Variants in GORASP2 observed in about 807,000 individuals in gnomAD.
The protein encoded by GORASP2 is golgi reassembly stacking protein 2.
A neutral mutation model predicts 45.7 loss-of-function variants in GORASP2; 22 were observed. The observed-to-expected ratio is 0.48, with a 90% CI of 0.34 to 0.69. The LOEUF (loss-of-function observed/expected upper bound fraction) is 0.69, where lower values mean the gene tolerates loss of function less well. Ranked by LOEUF, GORASP2 falls within the 30% of genes least tolerant of loss-of-function variation. The pLI, the probability that GORASP2 is intolerant of heterozygous loss-of-function variation, is 0.01. For missense variants in GORASP2, 491 were observed against 562.7 expected (o/e 0.87, Z 1.29); for synonymous variants, 221 against 215.6 (o/e 1.02, Z -0.22).
intron 1 of GORASP2, chr2:170,936,690 G>A (rs1471465539): frequency 7.9e-7 from 1 of 1,264,646 alleles, no homozygotes; most frequent in Admixed American, 2.3e-5. Context: ...ATAATGGTGT[G>A]CACCTGTAAT....
At chr2:170,942,130 A>G (rs1300019962) in intron 1 of GORASP2, among the ~76,000 whole-genome samples, 2 of 152,184 alleles carry the variant, frequency 1.3e-5, no homozygotes, top group African/African-American at 4.8e-5. Context: ...TTTATAGATC[A>G]CTTCAGTATC....
At chr2:170,954,928 A>G (rs1230228509) in intron 6 of GORASP2, 146 bp downstream of exon 6, 2 of 623,338 alleles carry the variant, frequency 3.2e-6, no homozygotes, top group Non-Finnish European at 5.5e-6. Flanking sequence ...AGGTTCCTGT[A>G]AAATACCTAG....
At chr2:170,960,321 T>C (rs1704528147) in intron 7 of GORASP2, among the ~76,000 whole-genome samples, 1 of 152,190 alleles carries the variant, frequency 6.6e-6, no homozygotes, top group Non-Finnish European at 1.5e-5. Flanking sequence ...TTCAACTCCA[T>C]TGAGAATCTG....
intron 1 of GORASP2, among the ~76,000 whole-genome samples, chr2:170,932,701 C>G (rs1240283889): frequency 6.6e-6 from 1 of 152,226 alleles, no homozygotes; most frequent in Non-Finnish European, 1.5e-5. Context: ...ATCCCACCAT[C>G]TAAAGGCAAA....
At chr2:170,941,035 A>G (rs1374977807) in intron 1 of GORASP2, among the ~76,000 whole-genome samples, 5 of 152,138 alleles carry the variant, frequency 3.3e-5, no homozygotes, top group Non-Finnish European at 7.4e-5. Flanking sequence ...TTTCATCATA[A>G]GCTTCTCATT....
intron 1 of GORASP2, among the ~76,000 whole-genome samples, chr2:170,940,641 CTTT>C (rs78088107): frequency 1.4e-5 from 2 of 138,498 alleles, no homozygotes; most frequent in Admixed American, 7.3e-5. Flanking sequence ...AAGTGAATTG[CTTT>C]TTTTTTTTTT....
In GORASP2 at chr2:170,929,300, C is replaced by A; in HGVS notation, c.-41C>A. 7.5e-7 allele frequency: 1 copy of A among 1,327,676 alleles called. No individual in the cohort carries two copies. The highest frequency in any genetic ancestry group is 9.6e-7 in the Non-Finnish European group (1 of 1,037,354). 82.2% of individuals were successfully genotyped at this position (1,327,676 alleles called of 1,614,324 possible). A position where few individuals can be genotyped will look rare whatever the true frequency, so the allele number is the denominator to read the frequency against. Reference sequence around the variant, plus strand: ...GCAGGCGGTGCGCTGGGGGCGGGAGCAGCGCGGAGCCCGGCTCGGCCACAC... The same window carrying A: ...GCAGGCGGTGCGCTGGGGGCGGGAGAAGCGCGGAGCCCGGCTCGGCCACAC... On this transcript the variant is annotated 5_prime_UTR_variant, in exon 1 of 10. Coordinates refer to ENST00000234160, the MANE Select transcript of GORASP2 (RefSeq NM_015530.5).
Position 170,941,619 on chromosome 2 carries a change from T to A in GORASP2, c.64-6731T>A, listed in dbSNP as rs150839319. ...CTTGTACTTTGTATAAGGGGAACCA[T>A]GTGCTAGGTACTCATTTGTATCTGG... On this transcript the variant is annotated intron_variant, in intron 1 of 9. Transcript: ENST00000234160. 3.3e-5 allele frequency among the ~76,000 whole-genome samples: 5 copies of A among 152,328 alleles called. No individual in the cohort carries two copies. The East Asian group carries it at 9.6e-4, about 29-fold the overall frequency.
At position 170,966,460 on chromosome 2, in the gene GORASP2, C is replaced by T. The variant is rs945987942; in HGVS notation, c.*330C>T. 8 of 403,446 alleles carry T rather than the reference C, an allele frequency of 2.0e-5. No homozygotes were observed. The highest frequency in any genetic ancestry group is 7.2e-4 in the Middle Eastern group (1 of 1,394). 25.0% of individuals were successfully genotyped at this position (403,446 alleles called of 1,614,324 possible). ...GGGGCGTCCACTAGGTTTCCTGTCC[C>T]CTGCTGCTCCTTCCGTAAGAAAATG... On this transcript the variant is annotated 3_prime_UTR_variant, in exon 10 of 10. Transcript: ENST00000234160.
At chr2:170,956,629 G>A in intron 7 of GORASP2, 70 bp downstream of exon 7, 1 of 1,382,536 alleles carries the variant, frequency 7.2e-7, no homozygotes, top group Non-Finnish European at 9.9e-7. Flanking sequence ...TTTAAAAATT[G>A]ACCAGACACA....
intron 3 of GORASP2, 103 bp from the exon 4 acceptor site, chr2:170,950,101 G>A (rs570832317): frequency 9.4e-6 from 6 of 636,348 alleles, no homozygotes; most frequent in East Asian, 6.0e-5. Flanking sequence ...CAAGACAGAA[G>A]TATACAGATT....
At position 170,961,914 on chromosome 2, in the gene GORASP2, T is replaced by C. The variant is rs540925189; in HGVS notation, c.910+165T>C. On this transcript the variant is annotated intron_variant, in intron 8 of 9. Transcript: ENST00000234160. ...TGATAAATGAGAGCTAGGGCAACTC[T>C]CCTTAGTAAACAAGGAACCAGAGAT... Among the ~76,000 whole-genome samples the C allele has an allele frequency of 2.6e-5, 4 of 152,378 alleles. No homozygotes were observed. In the East Asian group the frequency reaches 7.7e-4, roughly 29 times the overall value.
At chr2:170,951,566 ACTCC>A in intron 5 of GORASP2, 108 bp downstream of exon 5, 1 of 901,982 alleles carries the variant, frequency 1.1e-6, no homozygotes, top group Non-Finnish European at 1.6e-6. Context: ...TTATTTTAAG[ACTCC>A]TCTTAAAAAA....
chr2:170,930,461 C>T (rs1575465372), intron 1 of GORASP2, among the ~76,000 whole-genome samples: 1 of 152,176 alleles, frequency 6.6e-6, no homozygotes, highest in African/African-American at 2.4e-5. Context: ...AGAGAGTGCA[C>T]TTCCTGGTGC....
chr2:170,936,577 C>T lies in GORASP2; in HGVS notation c.63+7174C>T, dbSNP rs1004835608. ...CCTGTTGGCATTGCAAATAAATTTA[C>T]TGTAGCATGAAGATAATTATTCTGG... On this transcript the variant is annotated intron_variant, in intron 1 of 9. Coordinates refer to ENST00000234160, the MANE Select transcript of GORASP2 (RefSeq NM_015530.5). 30 of 1,187,694 alleles carry T rather than the reference C, an allele frequency of 2.5e-5. No individual in the cohort carries two copies. In the Admixed American group the frequency reaches 2.6e-4, roughly 10 times the overall value. The allele number at this position is 1,187,694 out of a possible 1,614,324, so 73.6% of individuals were successfully genotyped here. A position where few individuals can be genotyped will look rare whatever the true frequency, so the allele number is the denominator to read the frequency against.
At chr2:170,945,513 AAAG>A (rs1216860041) in intron 1 of GORASP2, among the ~76,000 whole-genome samples, 3,324 of 148,540 alleles carry the variant, frequency 0.022, 135 homozygotes, top group African/African-American at 0.071. Context: ...AAAAAAAAAA[AAAG>A]AAGAAGAAGA....
At chr2:170,962,131 T>C (rs1354354387) in intron 8 of GORASP2, among the ~76,000 whole-genome samples, 2 of 152,284 alleles carry the variant, frequency 1.3e-5, no homozygotes, top group African/African-American at 4.8e-5. Flanking sequence ...AGGCTTCTTA[T>C]TTGGTCTTCA....
rs765396836 is a variant in GORASP2 at position 170,954,760 on chromosome 2, C to T, written c.677C>T (p.Pro226Leu). 13 of 1,613,344 alleles carry T rather than the reference C, an allele frequency of 8.1e-6. 1 individual carries two copies. The South Asian group carries it at 1.3e-4, about 16-fold the overall frequency. ...CAAATGGCTGGTACACCTATTACAC[C>T]TCTTAAAGATGGGTTTACAGAGGTA... ...PGQMAGTPIT[P>L]LKDGFTEVQL... The change falls in exon 6 of 10, where the codon CCT (proline) becomes CTT (leucine). Residue 226 changes from proline to leucine, a missense_variant. Coordinates refer to ENST00000234160, the MANE Select transcript of GORASP2 (RefSeq NM_015530.5).
At chr2:170,961,824 AATATT>A (rs879134528) in intron 8 of GORASP2, 75 bp downstream of exon 8, 2 of 836,692 alleles carry the variant, frequency 2.4e-6, no homozygotes, top group African/African-American at 1.7e-5. Context: ...AACAATGAAA[AATATT>A]ATACCTGTGT....
Sources: allele counts gnomAD v4.1 joint callset (sites outside exome capture counted in the v4.1 genomes callset), GRCh38; gene constraint gnomAD v4.1.1; transcripts MANE v1.5; gene names NCBI Gene and HGNC (gene_info 2026-07-23, HGNC 2026-07-21).